The following SPMIP11 variants were observed in gnomAD, a reference collection of about 807,000 sequenced individuals.
The protein encoded by SPMIP11 is sperm microtubule inner protein 11, also known as long intergenic non-protein coding RNA 935.
chr12:48,770,606 G>A, the SPMIP11 span, among the ~76,000 whole-genome samples: 2 of 152,180 alleles, frequency 1.3e-5, no homozygotes, highest in African/African-American at 4.8e-5. Context: ...AGTGCCTAAT[G>A]ATCTCTGTTC....
chr12:48,736,916 T>G, the SPMIP11 span, among the ~76,000 whole-genome samples: 1 of 152,046 alleles, frequency 6.6e-6, no homozygotes, highest in African/African-American at 2.4e-5. Flanking sequence ...TCCAGTTACA[T>G]TCCTTTGTAT....
chr12:48,734,342 C>T, the SPMIP11 span, among the ~76,000 whole-genome samples: 1 of 152,134 alleles, frequency 6.6e-6, no homozygotes, highest in East Asian at 1.9e-4. Context: ...AACTCCTGGC[C>T]TCAAGGAATC....
At chr12:48,761,577 A>C in the SPMIP11 span, among the ~76,000 whole-genome samples, 1 of 149,668 alleles carries the variant, frequency 6.7e-6, no homozygotes. Context: ...GTGCTACTGC[A>C]CTCCAGCCTG....
the SPMIP11 span, among the ~76,000 whole-genome samples, chr12:48,757,266 T>A: frequency 6.6e-6 from 1 of 152,108 alleles, no homozygotes. Flanking sequence ...AAAAAAAAAA[T>A]TAAATTTTTT....
chr12:48,761,053 C>G, the SPMIP11 span, among the ~76,000 whole-genome samples: 1 of 152,168 alleles, frequency 6.6e-6, no homozygotes, highest in Non-Finnish European at 1.5e-5. Context: ...TCTGAACCAT[C>G]TGGAAATGGG....
chr12:48,769,621 C>G, the SPMIP11 span, among the ~76,000 whole-genome samples: 3 of 148,142 alleles, frequency 2.0e-5, no homozygotes, highest in East Asian at 6.0e-4. Context: ...GAGTCTTGCT[C>G]TGTTGCCCAG....
At chr12:48,771,226 T>C in the SPMIP11 span, 2 of 551,646 alleles carry the variant, frequency 3.6e-6, no homozygotes, top group African/African-American at 1.9e-5. This position sits in a 1 kb window ranked among gnomAD's most constrained non-coding sequence, Gnocchi z 4.3. Flanking sequence ...ACAAGTGCAA[T>C]ATTAAGCAAT....
the SPMIP11 span, among the ~76,000 whole-genome samples, chr12:48,727,853 C>A: frequency 3.9e-5 from 6 of 151,996 alleles, no homozygotes; most frequent in Non-Finnish European, 8.8e-5. Context: ...AGTTCAAGAC[C>A]AGCCTGGGCA....
chr12:48,768,883 G>A, the SPMIP11 span: 2 of 1,570,940 alleles, frequency 1.3e-6, no homozygotes, highest in Non-Finnish European at 1.7e-6. Flanking sequence ...AGAGACACCT[G>A]TGGAAGCCCT....
the SPMIP11 span, among the ~76,000 whole-genome samples, chr12:48,769,270 G>A: frequency 6.6e-6 from 1 of 151,936 alleles, no homozygotes; most frequent in South Asian, 2.1e-4. Flanking sequence ...AAATTAGCTG[G>A]ACAATGGTGG....
chr12:48,747,448 C>T, the SPMIP11 span, among the ~76,000 whole-genome samples: 1 of 152,202 alleles, frequency 6.6e-6, no homozygotes, highest in Non-Finnish European at 1.5e-5. Flanking sequence ...TAGCAGGTTA[C>T]CTCCACCTCC....
At chr12:48,753,134 T>C in the SPMIP11 span, among the ~76,000 whole-genome samples, 1 of 152,280 alleles carries the variant, frequency 6.6e-6, no homozygotes, top group East Asian at 1.9e-4. Context: ...ATAACACAAG[T>C]CCAGGCACCC....
the SPMIP11 span, among the ~76,000 whole-genome samples, chr12:48,731,545 A>G: frequency 6.6e-6 from 1 of 152,086 alleles, no homozygotes; most frequent in Admixed American, 6.6e-5. Flanking sequence ...TTAGGAGCTC[A>G]CCATTCACTG....
chr12:48,730,614 G>A, the SPMIP11 span, among the ~76,000 whole-genome samples: 26 of 152,292 alleles, frequency 1.7e-4, no homozygotes, highest in Non-Finnish European at 2.8e-4. Flanking sequence ...TGTGAAGTAG[G>A]TATTACTGTT....
the SPMIP11 span, among the ~76,000 whole-genome samples, chr12:48,746,228 T>TA: frequency 1.3e-5 from 2 of 152,106 alleles, no homozygotes; most frequent in Admixed American, 6.6e-5. Context: ...AGTGCTTTTT[T>TA]AAAAAAAATT....
At chr12:48,727,918 G>A in the SPMIP11 span, among the ~76,000 whole-genome samples, 2 of 152,032 alleles carry the variant, frequency 1.3e-5, no homozygotes, top group Non-Finnish European at 2.9e-5. Context: ...GGGTGTGGTG[G>A]TGCATGCCTG....
At chr12:48,748,315 A>G in the SPMIP11 span, among the ~76,000 whole-genome samples, 1 of 152,120 alleles carries the variant, frequency 6.6e-6, no homozygotes, top group East Asian at 1.9e-4. Context: ...GATCATTTCC[A>G]TCAGTATACA....
At chr12:48,748,345 C>T in the SPMIP11 span, among the ~76,000 whole-genome samples, 1 of 152,174 alleles carries the variant, frequency 6.6e-6, no homozygotes, top group Non-Finnish European at 1.5e-5. Context: ...TAATCTCTTT[C>T]ATCTGGCAAG....
the SPMIP11 span, among the ~76,000 whole-genome samples, chr12:48,753,601 G>A: frequency 6.6e-5 from 10 of 151,554 alleles, no homozygotes; most frequent in East Asian, 1.2e-3. Flanking sequence ...TGCCTCTTTG[G>A]TGAACTACCT....
Sources: allele counts gnomAD v4.1 joint callset (sites outside exome capture counted in the v4.1 genomes callset), GRCh38; gene constraint gnomAD v4.1.1; non-coding constraint Gnocchi (gnomAD v3.1); transcripts MANE v1.5; gene names NCBI Gene and HGNC (gene_info 2026-07-23, HGNC 2026-07-21).